ADGRL3: variants seen among roughly 807,000 people sequenced by gnomAD.
ADGRL3 encodes the protein calcium-independent alpha-latrotoxin receptor 3.
Under a neutral mutation model 153.5 loss-of-function variants are expected in ADGRL3, and 62 were observed. The observed-to-expected ratio is 0.40, with a 90% CI of 0.33 to 0.50. The LOEUF (loss-of-function observed/expected upper bound fraction) is 0.50, where lower values mean the gene tolerates loss of function less well. Among genes scored for constraint, ADGRL3 ranks in the 20% least tolerant of loss-of-function variants. The probability of loss-of-function intolerance (pLI) is 0.47; values close to 1 mark genes in which losing one functional copy is unlikely to be tolerated. For synonymous variants in ADGRL3, 710 were observed against 672.5 expected, an observed-to-expected ratio of 1.06 and a Z score of -0.86; for missense variants, 1,641 against 1,859.4, an observed-to-expected ratio of 0.88 and a Z score of 2.16.
At chr4:61,468,076 T>C (rs1173438171) in intron 2 of ADGRL3, among the ~76,000 whole-genome samples, 2 of 152,170 alleles carry the variant, frequency 1.3e-5, no homozygotes, top group Non-Finnish European at 2.9e-5. Context: ...GCTCTTTAAA[T>C]CATTGCAGTC....
At chr4:61,675,279 G>C (rs376028450) in intron 5 of ADGRL3, among the ~76,000 whole-genome samples, 6 of 151,748 alleles carry the variant, frequency 4.0e-5, no homozygotes, top group Non-Finnish European at 5.9e-5. Context: ...TCTCCTTAAG[G>C]AATTAACAGA....
At chr4:61,720,544 G>A (rs528228616) in intron 6 of ADGRL3, among the ~76,000 whole-genome samples, 1 of 152,280 alleles carries the variant, frequency 6.6e-6, no homozygotes, top group Non-Finnish European at 1.5e-5. Context: ...AGCACTGATG[G>A]CATGTAGAGA....
intron 1 of ADGRL3, among the ~76,000 whole-genome samples, chr4:61,323,939 A>G (rs1289313047): frequency 6.6e-6 from 1 of 152,188 alleles, no homozygotes; most frequent in East Asian, 1.9e-4. Context: ...GCAATTTACA[A>G]AAGGAAGAGG....
At chr4:61,468,190 C>A (rs1213658719) in intron 2 of ADGRL3, among the ~76,000 whole-genome samples, 2 of 152,164 alleles carry the variant, frequency 1.3e-5, no homozygotes, top group African/African-American at 4.8e-5. Flanking sequence ...TAATTTCTTC[C>A]ATCTGATTTC....
chr4:61,976,870 C>T (rs912713176), intron 17 of ADGRL3, among the ~76,000 whole-genome samples: 6 of 152,104 alleles, frequency 3.9e-5, no homozygotes, highest in African/African-American at 1.4e-4. Context: ...GACTAATGCA[C>T]CATTGTTCTT....
At chr4:61,617,589 A>G (rs1489593936) in intron 5 of ADGRL3, among the ~76,000 whole-genome samples, 1 of 152,216 alleles carries the variant, frequency 6.6e-6, no homozygotes, top group Non-Finnish European at 1.5e-5. Context: ...CAACTCAATT[A>G]GAAAGAACCT....
intron 9 of ADGRL3, among the ~76,000 whole-genome samples, chr4:61,832,082 T>G (rs2097878029): frequency 6.6e-6 from 1 of 152,102 alleles, no homozygotes; most frequent in Non-Finnish European, 1.5e-5. Context: ...TAATGTTCAC[T>G]GAACATGAAA....
At chr4:61,739,010 C>T (rs544274767) in intron 8 of ADGRL3, among the ~76,000 whole-genome samples, 9 of 152,212 alleles carry the variant, frequency 5.9e-5, no homozygotes, top group Middle Eastern at 3.4e-3. Flanking sequence ...GTCACCTATT[C>T]TGCATGATAT....
intron 5 of ADGRL3, among the ~76,000 whole-genome samples, chr4:61,612,537 C>T (rs759694392): frequency 1.3e-5 from 2 of 152,150 alleles, no homozygotes; most frequent in Non-Finnish European, 2.9e-5. Flanking sequence ...GCACAATAAC[C>T]TTTTCCTTAC....
chr4:61,444,508 C>A (rs893012948), intron 2 of ADGRL3, among the ~76,000 whole-genome samples: 10 of 152,122 alleles, frequency 6.6e-5, no homozygotes, highest in Non-Finnish European at 1.2e-4. Flanking sequence ...AAGCTGACAA[C>A]TTTTGATGCA....
At chr4:61,269,569 T>G (rs2093043383) in intron 1 of ADGRL3, among the ~76,000 whole-genome samples, 1 of 151,704 alleles carries the variant, frequency 6.6e-6, no homozygotes, top group South Asian at 2.1e-4. Context: ...AACATGACAT[T>G]AAATAAAGCC....
At chr4:61,618,076 G>A (rs2092202349) in intron 5 of ADGRL3, among the ~76,000 whole-genome samples, 1 of 152,146 alleles carries the variant, frequency 6.6e-6, no homozygotes, top group Non-Finnish European at 1.5e-5. Flanking sequence ...AATACTGTAA[G>A]CTCTGGAATT....
At chr4:61,654,013 G>A (rs529257706) in intron 5 of ADGRL3, among the ~76,000 whole-genome samples, 242 of 152,254 alleles carry the variant, frequency 1.6e-3, no homozygotes, top group Non-Finnish European at 2.7e-3. Context: ...CATATATTTA[G>A]GATTTCCTCC....
At chr4:61,995,458 A>G (rs1323345310) in intron 19 of ADGRL3, among the ~76,000 whole-genome samples, 2 of 152,112 alleles carry the variant, frequency 1.3e-5, no homozygotes, top group Admixed American at 6.6e-5. Context: ...CCAGTCTTGA[A>G]TATTTACCAC....
intron 5 of ADGRL3, among the ~76,000 whole-genome samples, chr4:61,638,495 T>C (rs1560976483): frequency 6.6e-6 from 1 of 152,154 alleles, no homozygotes; most frequent in African/African-American, 2.4e-5. Context: ...TTTTGGTATG[T>C]AATTTGCAAT....
intron 1 of ADGRL3, among the ~76,000 whole-genome samples, chr4:61,215,316 A>C (rs530347852): frequency 1.3e-5 from 2 of 152,288 alleles, no homozygotes; most frequent in South Asian, 4.1e-4. Context: ...TAGAAAAAAC[A>C]AGTGAACATG....
At chr4:61,362,268 G>A (rs1264288826) in intron 1 of ADGRL3, among the ~76,000 whole-genome samples, 1 of 151,120 alleles carries the variant, frequency 6.6e-6, no homozygotes, top group Admixed American at 6.6e-5. Flanking sequence ...CTCCCAAAGT[G>A]CTGGGATAAC....
intron 11 of ADGRL3, among the ~76,000 whole-genome samples, chr4:61,899,728 T>C (rs1202022254): frequency 1.3e-5 from 2 of 152,148 alleles, no homozygotes; most frequent in East Asian, 3.9e-4. Flanking sequence ...ACTATGGTTC[T>C]GGAGGCTGGA....
chr4:61,344,235 A>T (rs1054509882), intron 1 of ADGRL3, among the ~76,000 whole-genome samples: 1 of 152,236 alleles, frequency 6.6e-6, no homozygotes, highest in Admixed American at 6.5e-5. Context: ...CTTCCTTCAA[A>T]GTCACTTGAA....
Sources: gnomAD v4.1 joint callset for allele counts (sites outside exome capture counted in the v4.1 genomes callset) on GRCh38, gnomAD v4.1.1 for gene constraint, MANE v1.5 for transcripts, NCBI Gene and HGNC (gene_info 2026-07-23, HGNC 2026-07-21) for gene names.